Variants in MAGI2 observed in about 807,000 individuals in gnomAD.
The protein encoded by MAGI2 is membrane-associated guanylate kinase, WW and PDZ domain-containing protein 2.
A neutral mutation model predicts 133.3 loss-of-function variants in MAGI2; 35 were observed. The observed-to-expected ratio is 0.26, with a 90% confidence interval of 0.20 to 0.35. The LOEUF is 0.35. Among genes scored for constraint, MAGI2 ranks in the 10% least tolerant of loss-of-function variants. The pLI is 1.00. For missense variants in MAGI2, 1,636 were observed against 1,863.4 expected (o/e 0.88, Z 2.25); for synonymous variants, 729 against 710.6 (o/e 1.03, Z -0.41).
intron 2 of MAGI2, among the ~76,000 whole-genome samples, chr7:78,650,984 C>T (rs912264561): frequency 3.3e-5 from 5 of 152,062 alleles, no homozygotes; most frequent in African/African-American, 9.7e-5. Context: ...TGATTTGAGG[C>T]GTTCTTGTGA....
At chr7:78,728,639 C>A (rs1381333801) in intron 2 of MAGI2, among the ~76,000 whole-genome samples, 2 of 106,398 alleles carry the variant, frequency 1.9e-5, no homozygotes, top group African/African-American at 4.3e-5. Flanking sequence ...GATCTCGGCT[C>A]AGTGCAAGCT....
chr7:78,433,857 G>A (rs546258201), intron 6 of MAGI2, among the ~76,000 whole-genome samples: 85 of 152,084 alleles, frequency 5.6e-4, no homozygotes, highest in Non-Finnish European at 7.9e-4. Context: ...AAAATGTGAG[G>A]ATATTTTACA....
intron 3 of MAGI2, among the ~76,000 whole-genome samples, chr7:78,552,142 A>G (rs1303242035): frequency 6.6e-6 from 1 of 151,546 alleles, no homozygotes; most frequent in African/African-American, 2.4e-5. Flanking sequence ...GTATTTTTAA[A>G]TAACCATAGA....
At chr7:78,617,888 T>G (rs1457298924) in intron 3 of MAGI2, 1 of 152,024 alleles carries the variant, frequency 6.6e-6, no homozygotes, top group Non-Finnish European at 1.5e-5. Flanking sequence ...CTATTTCCCC[T>G]GAGAGAAATA....
At chr7:78,565,906 A>G (rs960589134) in intron 3 of MAGI2, among the ~76,000 whole-genome samples, 4 of 152,124 alleles carry the variant, frequency 2.6e-5, no homozygotes, top group Non-Finnish European at 5.9e-5. Flanking sequence ...GCTGCCACAC[A>G]TTAGTTCTGG....
intron 2 of MAGI2, among the ~76,000 whole-genome samples, chr7:78,834,832 T>A (rs1467228163): frequency 1.3e-5 from 2 of 151,958 alleles, no homozygotes; most frequent in East Asian, 3.9e-4. Flanking sequence ...AATGAATGAG[T>A]ACTCACGAGA....
chr7:79,388,615 T>C (rs1470812113), intron 1 of MAGI2, among the ~76,000 whole-genome samples: 1 of 151,674 alleles, frequency 6.6e-6, no homozygotes, highest in African/African-American at 2.4e-5. Context: ...TAAGAATATT[T>C]AGAGAGTTGC....
At chr7:78,819,584 C>CGT (rs1789907085) in intron 2 of MAGI2, among the ~76,000 whole-genome samples, 1 of 151,798 alleles carries the variant, frequency 6.6e-6, no homozygotes, top group African/African-American at 2.4e-5. Flanking sequence ...TGTATGTGTA[C>CGT]GTGTGTGTCT....
chr7:79,255,817 A>T (rs372954862), intron 1 of MAGI2, among the ~76,000 whole-genome samples: 1 of 152,128 alleles, frequency 6.6e-6, no homozygotes, highest in Admixed American at 6.6e-5. Context: ...CACCTAGACA[A>T]TTCTAACTGA....
intron 2 of MAGI2, among the ~76,000 whole-genome samples, chr7:78,955,741 CTT>C (rs1331243087): frequency 1.6e-5 from 1 of 60,646 alleles, no homozygotes. Flanking sequence ...TTCTTTCTTT[CTT>C]TCTTTCTTTC....
intron 1 of MAGI2, among the ~76,000 whole-genome samples, chr7:79,333,428 A>AT (rs1488953597): frequency 6.6e-6 from 1 of 151,956 alleles, no homozygotes; most frequent in African/African-American, 2.4e-5. Flanking sequence ...ACCCGGCCTC[A>AT]TTTTTTTCAA....
At chr7:78,783,727 T>A (rs1826580930) in intron 2 of MAGI2, among the ~76,000 whole-genome samples, 1 of 152,188 alleles carries the variant, frequency 6.6e-6, no homozygotes, top group African/African-American at 2.4e-5. Context: ...CATCCACCAG[T>A]GCTGAGTTCC....
intron 4 of MAGI2, among the ~76,000 whole-genome samples, chr7:78,513,889 G>A (rs1373977487): frequency 6.6e-6 from 1 of 152,028 alleles, no homozygotes; most frequent in Admixed American, 6.6e-5. Flanking sequence ...AGGAGTTGGA[G>A]ACCAGCCTGA....
intron 6 of MAGI2, among the ~76,000 whole-genome samples, chr7:78,423,888 G>A (rs1025852009): frequency 6.6e-6 from 1 of 152,192 alleles, no homozygotes; most frequent in Non-Finnish European, 1.5e-5. Context: ...AAAACATTCA[G>A]TTTTATAAGG....
rs561235450 is a variant in MAGI2 at position 79,315,543 on chromosome 7, A to T, written c.301+137477T>A. ...CACCAGTAGATATTCAACGTTAGAT[A>T]ATTTGGTGGGTAAAATTTGGATGCA... On this transcript the variant is annotated intron_variant, in intron 1 of 21. Coordinates refer to ENST00000354212, the MANE Select transcript of MAGI2 (RefSeq NM_012301.4). Among the ~76,000 whole-genome samples the T allele has an allele frequency of 4.6e-5, 7 of 152,130 alleles. No individual in the cohort carries two copies. In the East Asian group the frequency reaches 1.2e-3, roughly 25 times the overall value.
At chr7:79,132,784 C>T (rs183880856) in intron 1 of MAGI2, among the ~76,000 whole-genome samples, 2 of 152,156 alleles carry the variant, frequency 1.3e-5, no homozygotes, top group Admixed American at 6.5e-5. Context: ...ATAAGCATTC[C>T]CTTTTCTTCA....
intron 6 of MAGI2, among the ~76,000 whole-genome samples, chr7:78,479,395 G>C (rs1450821830): frequency 6.6e-6 from 1 of 151,858 alleles, no homozygotes; most frequent in Non-Finnish European, 1.5e-5. Context: ...AGAGATAAGA[G>C]GCCAGAGAAA....
intron 2 of MAGI2, among the ~76,000 whole-genome samples, chr7:78,770,280 G>A (rs900479024): frequency 1.3e-5 from 2 of 152,058 alleles, no homozygotes; most frequent in Non-Finnish European, 2.9e-5. Flanking sequence ...CCCCAAACCA[G>A]GTCCCCATAA....
chr7:79,025,406 T>G (rs1169245313), intron 1 of MAGI2, among the ~76,000 whole-genome samples: 1 of 152,194 alleles, frequency 6.6e-6, no homozygotes, highest in African/African-American at 2.4e-5. Flanking sequence ...GGTGCTATGC[T>G]TATTACCTGG....
Sources: gnomAD v4.1 joint callset for allele counts (sites outside exome capture counted in the v4.1 genomes callset) on GRCh38, gnomAD v4.1.1 for gene constraint, MANE v1.5 for transcripts, NCBI Gene and HGNC (gene_info 2026-07-23, HGNC 2026-07-21) for gene names.